LRMDA: variants seen among roughly 807,000 people sequenced by gnomAD.
LRMDA encodes the protein leucine rich melanocyte differentiation associated, also known as leucine-rich melanocyte differentiation-associated protein.
A neutral mutation model predicts 29.8 loss-of-function variants in LRMDA; 18 were observed. The ratio of observed to expected loss-of-function variants is 0.60; its 90% CI spans 0.42 to 0.90. The LOEUF (loss-of-function observed/expected upper bound fraction) is 0.90. Ranked by LOEUF, LRMDA falls within the 40% of genes least tolerant of loss-of-function variation. LRMDA has a pLI of 0.00. For missense variants in LRMDA, 273 were observed against 273.9 expected (o/e 1.00, Z 0.02); for synonymous variants, 125 against 109.4 (o/e 1.14, Z -0.89).
At chr10:76,211,210 A>G (rs1459633287) in intron 5 of LRMDA, among the ~76,000 whole-genome samples, 2 of 152,224 alleles carry the variant, frequency 1.3e-5, no homozygotes, top group South Asian at 4.1e-4. Context: ...CAGTTCACTA[A>G]GCCTGGTACC....
At chr10:75,688,702 A>G (rs1386201314) in intron 2 of LRMDA, among the ~76,000 whole-genome samples, 1 of 152,214 alleles carries the variant, frequency 6.6e-6, no homozygotes, top group African/African-American at 2.4e-5. Context: ...ACGGCATCAC[A>G]CACTACAGAG....
intron 2 of LRMDA, among the ~76,000 whole-genome samples, chr10:76,012,554 T>C (rs10824352): frequency 0.62 from 93,913 of 152,010 alleles, 29,147 homozygotes; most frequent in South Asian, 0.68. Context: ...TACATAGTCC[T>C]TTTGGCTCTT....
chr10:75,760,709 G>T (rs947095467), intron 2 of LRMDA, among the ~76,000 whole-genome samples: 1 of 152,112 alleles, frequency 6.6e-6, no homozygotes, highest in African/African-American at 2.4e-5. Context: ...GGAAGGATGA[G>T]GGCAGTGGAT....
intron 6 of LRMDA, among the ~76,000 whole-genome samples, chr10:76,402,600 C>T (rs949749345): frequency 5.9e-5 from 9 of 152,090 alleles, no homozygotes; most frequent in South Asian, 4.2e-4. Context: ...GCAATCCTCC[C>T]GCCTTGATCA....
intron 2 of LRMDA, among the ~76,000 whole-genome samples, chr10:75,825,234 C>T (rs996197155): frequency 9.3e-6 from 1 of 107,562 alleles, no homozygotes; most frequent in African/African-American, 3.1e-5. Flanking sequence ...CCACTTTCTT[C>T]TCCCAAAATA....
intron 2 of LRMDA, among the ~76,000 whole-genome samples, chr10:76,007,117 A>G (rs1009195115): frequency 5.9e-5 from 9 of 151,882 alleles, no homozygotes; most frequent in African/African-American, 2.2e-4. Context: ...ATCCTCCTGG[A>G]TGAACCTCTT....
At chr10:76,098,168 A>T (rs1849342574) in intron 5 of LRMDA, among the ~76,000 whole-genome samples, 1 of 152,142 alleles carries the variant, frequency 6.6e-6, no homozygotes, top group Non-Finnish European at 1.5e-5. Flanking sequence ...GTAATACGTT[A>T]TACAATGAAT....
chr10:75,651,262 C>T (rs1841596081), intron 2 of LRMDA, among the ~76,000 whole-genome samples: 1 of 152,164 alleles, frequency 6.6e-6, no homozygotes, highest in Non-Finnish European at 1.5e-5. Context: ...TGAGGTAAAT[C>T]CATGAGTCCC....
intron 4 of LRMDA, among the ~76,000 whole-genome samples, chr10:76,048,182 A>T (rs943789986): frequency 6.6e-6 from 1 of 152,178 alleles, no homozygotes; most frequent in South Asian, 2.1e-4. Flanking sequence ...AATTTTGTAT[A>T]TGTATATATG....
At position 76,279,576 on chromosome 10, in the gene LRMDA, G is replaced by A. The variant is rs978953877; in HGVS notation, c.517-44825G>A. Among the ~76,000 whole-genome samples the A allele has an allele frequency of 1.0e-4, 12 of 116,996 alleles. No individual in the cohort carries two copies. In the South Asian group the frequency reaches 1.8e-3, roughly 17 times the overall value. The allele number at this position is 116,996 out of a possible 152,430, so 76.8% of individuals were successfully genotyped here. A position where few individuals can be genotyped will look rare whatever the true frequency, so the allele number is the denominator to read the frequency against. On this transcript the variant is annotated intron_variant, in intron 5 of 6. Transcript: ENST00000611255. ...TTTTTTTTTTTTGAGATGGAGTTTC[G>A]CTCTTGTTGCCCAGGCTGGAGTGCA... is the stretch of plus-strand genomic sequence containing the variant.
chr10:75,484,804 C>A (rs1054431979), intron 2 of LRMDA, among the ~76,000 whole-genome samples: 6 of 152,168 alleles, frequency 3.9e-5, no homozygotes, highest in Non-Finnish European at 7.3e-5. Flanking sequence ...GGAAAAGAGG[C>A]CTCACTGGAA....
rs567723513 is a variant in LRMDA at position 76,442,274 on chromosome 10, G to A, written c.602-114935G>A. On this transcript the variant is annotated intron_variant, in intron 6 of 6. Coordinates refer to ENST00000611255, the MANE Select transcript of LRMDA (RefSeq NM_001305581.2). ...GACGGAAAAAATGCCTGAACATGGGGTCCTGTGACTGAGATTGATGGAACA... is the reference window on the plus strand; with the variant it reads ...GACGGAAAAAATGCCTGAACATGGGATCCTGTGACTGAGATTGATGGAACA... 8.5e-5 allele frequency among the ~76,000 whole-genome samples: 13 copies of A among 152,292 alleles called. No individual in the cohort carries two copies. The South Asian group carries it at 2.7e-3, about 32-fold the overall frequency.
chr10:75,972,056 G>T (rs563129774), intron 2 of LRMDA, among the ~76,000 whole-genome samples: 1 of 152,202 alleles, frequency 6.6e-6, no homozygotes, highest in African/African-American at 2.4e-5. Context: ...TGGCAAGAAA[G>T]GGGGAGTGAG....
At chr10:76,555,044 C>A (rs910622354) in intron 6 of LRMDA, among the ~76,000 whole-genome samples, 2 of 152,136 alleles carry the variant, frequency 1.3e-5, no homozygotes, top group African/African-American at 4.8e-5. Context: ...TGGCCCCATG[C>A]TTCCACATTC....
intron 6 of LRMDA, among the ~76,000 whole-genome samples, chr10:76,421,353 A>AT (rs1008688045): frequency 4.6e-4 from 70 of 152,158 alleles, no homozygotes; most frequent in African/African-American, 1.4e-3. Flanking sequence ...TATGGCTAGT[A>AT]TTTGCTTTGT....
chr10:75,823,980 A>G (rs1844209222), intron 2 of LRMDA, among the ~76,000 whole-genome samples: 2 of 152,196 alleles, frequency 1.3e-5, no homozygotes, highest in South Asian at 4.2e-4. Flanking sequence ...TAGACACTGG[A>G]GACTTCATAT....
At chr10:76,458,154 T>TA (rs1332230596) in intron 6 of LRMDA, among the ~76,000 whole-genome samples, 2 of 95,428 alleles carry the variant, frequency 2.1e-5, no homozygotes, top group Non-Finnish European at 2.5e-5. Context: ...GCTGTTTAAT[T>TA]AAAAAAAATT....
chr10:76,377,804 G>A (rs1158906032), intron 6 of LRMDA, among the ~76,000 whole-genome samples: 1 of 152,148 alleles, frequency 6.6e-6, no homozygotes, highest in East Asian at 1.9e-4. Context: ...TTTGAAGTCA[G>A]GTAATGTGAT....
rs576869827 is a variant in LRMDA at position 75,718,439 on chromosome 10, G to A, written c.131+279945G>A. Among the ~76,000 whole-genome samples the A allele has an allele frequency of 2.2e-4, 33 of 152,316 alleles. No homozygotes were observed. In the East Asian group the frequency reaches 5.6e-3, roughly 26 times the overall value. Reference sequence around the variant, plus strand: ...ATTGTCATTTCAGTCTACATTCCAGGACCGAATGAAGTCTTGTGGCCAAGA... The same window carrying A: ...ATTGTCATTTCAGTCTACATTCCAGAACCGAATGAAGTCTTGTGGCCAAGA... On this transcript the variant is annotated intron_variant, in intron 2 of 6. Coordinates refer to ENST00000611255, the MANE Select transcript of LRMDA (RefSeq NM_001305581.2).
Sources: allele counts gnomAD v4.1 joint callset (sites outside exome capture counted in the v4.1 genomes callset), GRCh38; gene constraint gnomAD v4.1.1; transcripts MANE v1.5; gene names NCBI Gene and HGNC (gene_info 2026-07-23, HGNC 2026-07-21).